Variants in SCHIP1 observed in about 807,000 individuals in gnomAD.
SCHIP1 encodes the protein schwannomin-interacting protein 1.
A neutral mutation model predicts 29.7 loss-of-function variants in SCHIP1; 8 were observed. The ratio of observed to expected loss-of-function variants is 0.27; its 90% CI spans 0.16 to 0.49. SCHIP1 has a LOEUF of 0.49. Ranked by LOEUF, SCHIP1 falls within the 20% of genes least tolerant of loss-of-function variation. The probability of loss-of-function intolerance (pLI) is 0.99; values close to 1 mark genes in which losing one functional copy is unlikely to be tolerated. For missense variants in SCHIP1, 193 were observed against 294.6 expected (o/e 0.66, Z 2.52); for synonymous variants, 76 against 94.9 (o/e 0.80, Z 1.16).
At chr3:159,701,172 G>A in the SCHIP1 span, among the ~76,000 whole-genome samples, 1 of 152,122 alleles carries the variant, frequency 6.6e-6, no homozygotes, top group Non-Finnish European at 1.5e-5. Context: ...AGGAACTATG[G>A]TAAACTTTTT....
At chr3:159,818,859 GA>G in the SCHIP1 span, among the ~76,000 whole-genome samples, 1 of 151,874 alleles carries the variant, frequency 6.6e-6, no homozygotes, top group African/African-American at 2.4e-5. Flanking sequence ...AATTTTAATT[GA>G]AAAAAAATTA....
chr3:159,782,457 A>T, the SCHIP1 span, among the ~76,000 whole-genome samples: 1 of 152,208 alleles, frequency 6.6e-6, no homozygotes, highest in African/African-American at 2.4e-5. Flanking sequence ...AATATCTGTT[A>T]TCTCTTGGTA....
At chr3:159,759,589 G>T in the SCHIP1 span, among the ~76,000 whole-genome samples, 1 of 152,166 alleles carries the variant, frequency 6.6e-6, no homozygotes, top group Admixed American at 6.5e-5. Flanking sequence ...TGGTCATAAA[G>T]TTGGTTAGAG....
At chr3:159,891,717 C>T (rs902614871) in intron 5 of SCHIP1, among the ~76,000 whole-genome samples, 1 of 152,144 alleles carries the variant, frequency 6.6e-6, no homozygotes, top group African/African-American at 2.4e-5. Flanking sequence ...CGAGGGGCCC[C>T]TCCTGACTGT....
chr3:159,554,006 GTGTGTGTGTGTGTTTGTGTA>G, the SCHIP1 span, among the ~76,000 whole-genome samples: 3 of 120,842 alleles, frequency 2.5e-5, no homozygotes, highest in African/African-American at 8.6e-5. Context: ...GTGTGTGTGT[GTGTGTGTGTGTGTTTGTGTA>G]TGTGTGTGTG....
At chr3:159,611,163 C>A in the SCHIP1 span, among the ~76,000 whole-genome samples, 1 of 152,150 alleles carries the variant, frequency 6.6e-6, no homozygotes, top group African/African-American at 2.4e-5. Flanking sequence ...CTATTACAAA[C>A]TCTGTGTAGA....
At chr3:159,876,682 T>C (rs74948473) in intron 2 of SCHIP1, among the ~76,000 whole-genome samples, 1,818 of 152,356 alleles carry the variant, frequency 0.012, 40 homozygotes, top group African/African-American at 0.042. Flanking sequence ...ATTTTAGTTA[T>C]TGAAAGAGTA....
chr3:159,380,832 C>T, the SCHIP1 span, among the ~76,000 whole-genome samples: 1 of 152,132 alleles, frequency 6.6e-6, no homozygotes, highest in African/African-American at 2.4e-5. Flanking sequence ...TATGGTCTGA[C>T]TCCAAAACTC....
chr3:159,326,277 T>C, the SCHIP1 span, among the ~76,000 whole-genome samples: 2 of 152,162 alleles, frequency 1.3e-5, no homozygotes, highest in Non-Finnish European at 2.9e-5. Context: ...ACTTCAGAGG[T>C]ATAGTAAGTT....
the SCHIP1 span, among the ~76,000 whole-genome samples, chr3:159,541,645 G>C: frequency 6.6e-6 from 1 of 152,038 alleles, no homozygotes. Flanking sequence ...AACTGTACAT[G>C]TAAAATTTTT....
At chr3:159,382,946 A>T in the SCHIP1 span, among the ~76,000 whole-genome samples, 4 of 149,628 alleles carry the variant, frequency 2.7e-5, no homozygotes, top group East Asian at 2.0e-4. Flanking sequence ...CCACTTTTTG[A>T]TGGGGTTGTT....
chr3:159,602,807 C>T, the SCHIP1 span, among the ~76,000 whole-genome samples: 1 of 152,032 alleles, frequency 6.6e-6, no homozygotes, highest in Non-Finnish European at 1.5e-5. Flanking sequence ...TTTTCCTATA[C>T]TCTCACTCAA....
the SCHIP1 span, among the ~76,000 whole-genome samples, chr3:159,648,789 T>C: frequency 2.6e-5 from 4 of 151,782 alleles, no homozygotes; most frequent in Non-Finnish European, 5.9e-5. Flanking sequence ...CTCTTTTAGG[T>C]AGCACCCCTT....
chr3:159,438,722 T>C, the SCHIP1 span, among the ~76,000 whole-genome samples: 1 of 152,162 alleles, frequency 6.6e-6, no homozygotes, highest in African/African-American at 2.4e-5. Context: ...CTCCCACTTA[T>C]AAGTGTGAAC....
At chr3:159,781,842 A>G in the SCHIP1 span, among the ~76,000 whole-genome samples, 1 of 152,252 alleles carries the variant, frequency 6.6e-6, no homozygotes, top group African/African-American at 2.4e-5. Context: ...TCTCTGTGGC[A>G]CAGGACCAGT....
At chr3:159,548,103 TTA>T in the SCHIP1 span, among the ~76,000 whole-genome samples, 1 of 152,062 alleles carries the variant, frequency 6.6e-6, no homozygotes, top group Admixed American at 6.6e-5. Flanking sequence ...ATTTTTAGAT[TTA>T]TGTTTATGAG....
At chr3:159,298,280 C>A in the SCHIP1 span, among the ~76,000 whole-genome samples, 2 of 152,286 alleles carry the variant, frequency 1.3e-5, no homozygotes, top group East Asian at 1.9e-4. Flanking sequence ...CCTTTGCTCA[C>A]CTTACCACTT....
chr3:159,559,502 C>A, the SCHIP1 span, among the ~76,000 whole-genome samples: 2 of 152,074 alleles, frequency 1.3e-5, no homozygotes. Flanking sequence ...TAACTTCCCC[C>A]GAAATACTTT....
the SCHIP1 span, among the ~76,000 whole-genome samples, chr3:159,536,204 G>C: frequency 6.6e-6 from 1 of 152,078 alleles, no homozygotes; most frequent in East Asian, 1.9e-4. Context: ...GTTTTTCACA[G>C]AGTTTTCTTT....
Sources: allele counts gnomAD v4.1 joint callset (sites outside exome capture counted in the v4.1 genomes callset), GRCh38; gene constraint gnomAD v4.1.1; transcripts MANE v1.5; gene names NCBI Gene and HGNC (gene_info 2026-07-23, HGNC 2026-07-21).